The following CCDC112 variants were observed in gnomAD, a reference collection of about 807,000 sequenced individuals.
CCDC112 encodes the protein coiled-coil domain containing 112.
A neutral mutation model predicts 66.3 loss-of-function variants in CCDC112; 40 were observed. The observed-to-expected ratio is 0.60, with a 90% CI of 0.47 to 0.79. CCDC112 has a LOEUF of 0.79. Among genes scored for constraint, CCDC112 ranks in the 30% least tolerant of loss-of-function variants. The pLI, the probability that CCDC112 is intolerant of heterozygous loss-of-function variation, is 0.00. For missense variants in CCDC112, 659 were observed against 603.8 expected, an observed-to-expected ratio of 1.09 and a Z score of -0.96; for synonymous variants, 214 against 197.2, an observed-to-expected ratio of 1.09 and a Z score of -0.71.
rs1326328923 is a variant in CCDC112, at chr5:115,275,971, A to T, written c.527+23T>A. The T allele has an allele frequency of 9.4e-6, 14 of 1,492,532 alleles. No homozygotes were observed. In the Middle Eastern group the frequency reaches 1.0e-3, roughly 111 times the overall value. 92.5% of individuals were successfully genotyped at this position (1,492,532 alleles called of 1,614,324 possible). A position where few individuals can be genotyped will look rare whatever the true frequency, so the allele number is the denominator to read the frequency against. ...AAAAAATAAAGGTCAATAATTTTAT[A>T]TTAAAATGAGTTTAAAACATACATC... On this transcript the variant is annotated intron_variant, in intron 5 of 9. Transcript: ENST00000379611.
At chr5:115,277,831 TATA>T (rs959618418) in intron 3 of CCDC112, among the ~76,000 whole-genome samples, 1 of 152,208 alleles carries the variant, frequency 6.6e-6, no homozygotes, top group African/African-American at 2.4e-5. Context: ...TTCGCATTCT[TATA>T]ATAGTAATAC....
chr5:115,271,493 C>T lies in CCDC112; in HGVS notation c.1052G>A (p.Arg351Lys). 6.2e-7 allele frequency: 1 copy of T among 1,613,280 alleles called. No homozygotes were observed. The highest frequency in any genetic ancestry group is 8.5e-7 in the Non-Finnish European group (1 of 1,179,834). The change falls in exon 7 of 10, where the codon AGA becomes AAA. Residue 351 changes from arginine to lysine, a missense_variant. Arg to Lys is a conservative substitution (Grantham distance 26, BLOSUM62 2). Coordinates refer to ENST00000379611, the MANE Select transcript of CCDC112 (RefSeq NM_001040440.3). ...EDNQKQKEEQ[R>K]KKQKLAVEAW... Reference sequence around the variant, plus strand: ...TTCAACTGCCAATTTCTGTTTCTTTCTTTGTTCCTCTTTTTGCTTTTGATT... The same window carrying T: ...TTCAACTGCCAATTTCTGTTTCTTTTTTTGTTCCTCTTTTTGCTTTTGATT...
intron 2 of CCDC112, 23 bp from the exon 3 acceptor site, chr5:115,279,791 T>C (rs1749374222): frequency 1.6e-6 from 2 of 1,214,848 alleles, no homozygotes; most frequent in East Asian, 2.5e-5. Context: ...AAACAAATAG[T>C]ATAAATATGA....
At chr5:115,269,890 C>G (rs1748929816) in intron 7 of CCDC112, 92 bp from the exon 8 acceptor site, 1 of 696,094 alleles carries the variant, frequency 1.4e-6, no homozygotes, top group South Asian at 1.9e-5. Flanking sequence ...AATTACCTTA[C>G]CTATCAATAT....
chr5:115,291,697 A>G (rs946726082), intron 1 of CCDC112, among the ~76,000 whole-genome samples: 1 of 152,142 alleles, frequency 6.6e-6, no homozygotes, highest in Non-Finnish European at 1.5e-5. Context: ...ATGTAGGGCA[A>G]TTATGCTAAG....
In CCDC112 at chr5:115,296,560, A is replaced by T; in HGVS notation, c.-17T>A. 1 of 1,458,246 alleles carries T rather than the reference A, an allele frequency of 6.9e-7. No homozygotes were observed. The highest frequency in any genetic ancestry group is 9.0e-7 in the Non-Finnish European group (1 of 1,108,348). 90.3% of individuals were successfully genotyped at this position (1,458,246 alleles called of 1,614,324 possible). A position where few individuals can be genotyped will look rare whatever the true frequency, so the allele number is the denominator to read the frequency against. On this transcript the variant is annotated 5_prime_UTR_variant, in exon 1 of 10. Transcript: ENST00000379611. ...TGCGGCCATGTTTACCCGCCGAGCT[A>T]CTCGGGCCGCGGCGGCCACCGGTGC...
In CCDC112 at chr5:115,275,511, G is replaced by A. The variant is rs750714384; in HGVS notation, c.623C>T (p.Thr208Ile). The A allele has an allele frequency of 1.6e-5, 26 of 1,613,772 alleles. No homozygotes were observed. The highest frequency in any genetic ancestry group is 2.1e-5 in the Non-Finnish European group (25 of 1,179,962). Reference sequence around the variant, plus strand: ...TGAGATTGCTCTGAAAGCTTTCTCTGTTTCTGAATTACCCAAAGCCCATGT... The same window carrying A: ...TGAGATTGCTCTGAAAGCTTTCTCTATTTCTGAATTACCCAAAGCCCATGT... ...IDTWALGNSE[T>I]EKAFRAISSK... Residue 208 changes from threonine (T) to isoleucine (I), a missense_variant, in exon 6 of 10, where the codon ACA becomes ATA. Physicochemically the swap from Thr to Ile is moderately conservative, Grantham distance 89. Transcript: ENST00000379611.
intron 8 of CCDC112, chr5:115,269,480 C>A: frequency 2.1e-6 from 1 of 480,520 alleles, no homozygotes; most frequent in Admixed American, 3.9e-5. Context: ...AACAATAATT[C>A]AGAGTGAAAG....
chr5:115,290,178 G>T (rs1292750918), intron 1 of CCDC112, among the ~76,000 whole-genome samples: 1 of 152,208 alleles, frequency 6.6e-6, no homozygotes, highest in East Asian at 1.9e-4. Context: ...CAAATATGGT[G>T]TGAGGTAGTT....
In CCDC112 at chr5:115,271,521, C is replaced by T; in HGVS notation, c.1024G>A (p.Asp342Asn). 1 of 1,611,646 alleles carries T rather than the reference C, an allele frequency of 6.2e-7. No homozygotes were observed. The highest frequency in any genetic ancestry group is 8.5e-7 in the Non-Finnish European group (1 of 1,179,468). ...TPVLFHNKQE[D>N]NQKQKEEQRK... Reference sequence around the variant, plus strand: ...TGTTCCTCTTTTTGCTTTTGATTATCCTCTTGTTTATTATGAAAAAGCACA... The same window carrying T: ...TGTTCCTCTTTTTGCTTTTGATTATTCTCTTGTTTATTATGAAAAAGCACA... Residue 342 changes from aspartate to asparagine, a missense_variant, in exon 7 of 10, where the codon GAT becomes AAT. Physicochemically the swap from Asp to Asn is conservative, Grantham distance 23 (BLOSUM62 1). Transcript: ENST00000379611.
Position 115,296,547 on chromosome 5 carries a change from T to C in CCDC112, c.-4A>G, listed in dbSNP as rs767719614. On this transcript the variant is annotated 5_prime_UTR_variant, in exon 1 of 10. Transcript: ENST00000379611. Reference sequence around the variant, plus strand: ...CAACCGTCGTCAGTGCGGCCATGTTTACCCGCCGAGCTACTCGGGCCGCGG... The same window carrying C: ...CAACCGTCGTCAGTGCGGCCATGTTCACCCGCCGAGCTACTCGGGCCGCGG... 6.7e-6 allele frequency: 10 copies of C among 1,488,366 alleles called. No individual in the cohort carries two copies. In the Middle Eastern group the frequency reaches 6.1e-4, roughly 91 times the overall value. The allele number at this position is 1,488,366 out of a possible 1,614,324, so 92.2% of individuals were successfully genotyped here.
At chr5:115,286,236 A>T (rs1360359345) in intron 1 of CCDC112, among the ~76,000 whole-genome samples, 1 of 152,128 alleles carries the variant, frequency 6.6e-6, no homozygotes, top group African/African-American at 2.4e-5. Context: ...GCAACCATTA[A>T]TCTACTTTCT....
At chr5:115,292,640 TG>T (rs923238433) in intron 1 of CCDC112, among the ~76,000 whole-genome samples, 24 of 152,340 alleles carry the variant, frequency 1.6e-4, no homozygotes, top group Admixed American at 1.5e-3. Flanking sequence ...TAGCAGGGTT[TG>T]TTTTGTTGCT....
At chr5:115,295,859 A>C in intron 1 of CCDC112, 1 of 982,316 alleles carries the variant, frequency 1.0e-6, no homozygotes, top group Non-Finnish European at 1.2e-6. Context: ...GATTCATTTT[A>C]GGGAGATCAT....
intron 1 of CCDC112, among the ~76,000 whole-genome samples, chr5:115,290,879 T>G (rs1412399149): frequency 6.6e-6 from 1 of 152,164 alleles, no homozygotes; most frequent in Non-Finnish European, 1.5e-5. Context: ...AGTAAGTTTT[T>G]TTTGTGTGTG....
At chr5:115,291,532 C>T (rs985148786) in intron 1 of CCDC112, among the ~76,000 whole-genome samples, 1 of 152,104 alleles carries the variant, frequency 6.6e-6, no homozygotes, top group Non-Finnish European at 1.5e-5. Context: ...CCTTCCTCCT[C>T]TATTTTCTGA....
intron 1 of CCDC112, 35 bp downstream of exon 1, chr5:115,296,392 G>A (rs1750158637): frequency 1.3e-6 from 2 of 1,551,494 alleles, no homozygotes; most frequent in African/African-American, 1.4e-5. Flanking sequence ...CCCCTCGCCT[G>A]CCGCCAGAGC....
At chr5:115,268,703 AAT>A (rs1478442054) in intron 9 of CCDC112, among the ~76,000 whole-genome samples, 177 bp downstream of exon 9, 21 of 147,956 alleles carry the variant, frequency 1.4e-4, no homozygotes, top group African/African-American at 3.9e-4. Context: ...ATATTATATA[AAT>A]ATGTTATATA....
intron 2 of CCDC112, among the ~76,000 whole-genome samples, chr5:115,284,136 A>G (rs1044908771): frequency 1.3e-5 from 2 of 152,176 alleles, no homozygotes; most frequent in East Asian, 1.9e-4. Flanking sequence ...CAGACTTTTC[A>G]TTAAATTGAT....
Sources: allele counts gnomAD v4.1 joint callset (sites outside exome capture counted in the v4.1 genomes callset), GRCh38; gene constraint gnomAD v4.1.1; transcripts MANE v1.5; gene names NCBI Gene and HGNC (gene_info 2026-07-23, HGNC 2026-07-21).